Variants in PAM observed in about 807,000 individuals in gnomAD.
PAM encodes peptidylglycine alpha-amidating monooxygenase.
In PAM, 72 loss-of-function variants were observed where a neutral mutation model predicts 122.1. That is an observed-to-expected ratio of 0.59 (90% CI 0.49 to 0.72). The LOEUF (loss-of-function observed/expected upper bound fraction) is 0.72. Among genes scored for constraint, PAM ranks in the 30% least tolerant of loss-of-function variants. The pLI is 0.00. For missense variants in PAM, 1,106 were observed against 1,183.7 expected, an observed-to-expected ratio of 0.93 and a Z score of 0.96; for synonymous variants, 389 against 404.4, an observed-to-expected ratio of 0.96 and a Z score of 0.46.
intron 5 of PAM, among the ~76,000 whole-genome samples, chr5:102,916,763 C>G (rs1581670906): frequency 6.8e-6 from 1 of 147,228 alleles, no homozygotes; most frequent in South Asian, 2.1e-4. Context: ...GACTGAGTCT[C>G]ACTCAGTCAC....
At chr5:103,004,728 A>G (rs1485382437) in intron 17 of PAM, among the ~76,000 whole-genome samples, 1 of 152,150 alleles carries the variant, frequency 6.6e-6, no homozygotes, top group Non-Finnish European at 1.5e-5. Flanking sequence ...TATGTCTAAT[A>G]GTTTATATTA....
chr5:103,019,823 T>C lies in PAM; in HGVS notation c.2465T>C (p.Ile822Thr). 3 of 1,607,804 alleles carry C rather than the reference T, an allele frequency of 1.9e-6. No individual in the cohort carries two copies. The highest frequency in any genetic ancestry group is 1.7e-5 in the Admixed American group (1 of 59,970). ...CATCGATCAGTTAAAAAGGCTGGCA[T>C]TGAGGTCCAGGAAATCAAAGGTTGG... ...LEHRSVKKAG[I>T]EVQEIKEAEA... Residue 822 changes from isoleucine to threonine, a missense_variant, in exon 23 of 26, where the codon ATT becomes ACT. Ile to Thr is a moderately conservative substitution (Grantham distance 89, BLOSUM62 -1). Coordinates refer to ENST00000438793, the MANE Select transcript of PAM (RefSeq NM_001177306.2).
chr5:102,923,514 G>A (rs1748196655), intron 5 of PAM, among the ~76,000 whole-genome samples: 1 of 152,086 alleles, frequency 6.6e-6, no homozygotes, highest in Admixed American at 6.5e-5. Context: ...TTTGGTCCCA[G>A]TTTTCAAAAC....
chr5:102,985,479 A>G (rs1771508269), intron 15 of PAM, among the ~76,000 whole-genome samples: 1 of 152,048 alleles, frequency 6.6e-6, no homozygotes, highest in South Asian at 2.1e-4. Flanking sequence ...ATTGTATGCT[A>G]ATAAATTAGA....
chr5:102,793,537 A>C (rs1033021364), intron 1 of PAM, among the ~76,000 whole-genome samples: 2 of 152,190 alleles, frequency 1.3e-5, no homozygotes, highest in African/African-American at 4.8e-5. Context: ...CTCAAAACAA[A>C]ACAACAACCA....
chr5:102,762,913 C>A (rs1450167105), intron 1 of PAM, among the ~76,000 whole-genome samples: 5 of 152,154 alleles, frequency 3.3e-5, no homozygotes, highest in African/African-American at 1.2e-4. Context: ...GGACTTTTTG[C>A]AGAATTTTTA....
At chr5:102,942,178 C>G (rs144334304) in intron 7 of PAM, among the ~76,000 whole-genome samples, 85 of 152,226 alleles carry the variant, frequency 5.6e-4, no homozygotes, top group African/African-American at 1.9e-3. Flanking sequence ...TCTTTATTCT[C>G]CTACGGGATT....
Position 103,006,944 on chromosome 5 carries a change from T to C in PAM, c.1947T>C (p.Asp649=), listed in dbSNP as rs374784351. 187 of 1,614,104 alleles carry C rather than the reference T, an allele frequency of 1.2e-4. 3 individuals are homozygous for C. In the East Asian group the frequency reaches 2.5e-3, roughly 21 times the overall value. The change falls in exon 19 of 26, where the codon GAT becomes GAC. Residue 649 remains aspartate, a synonymous_variant. Coordinates refer to ENST00000438793, the MANE Select transcript of PAM (RefSeq NM_001177306.2). ...DPGTGAIYVS[D]GYCNSRIVQF... is the part of the protein sequence containing the mutation. ...GCACTGGAGCCATTTATGTATCAGA[T>C]GGTTACTGCAACAGCAGGATTGTGC...
intron 1 of PAM, among the ~76,000 whole-genome samples, chr5:102,811,032 C>G (rs943573072): frequency 1.3e-5 from 2 of 152,130 alleles, no homozygotes; most frequent in Admixed American, 1.3e-4. Flanking sequence ...GCCCACCCTT[C>G]TACAGGCCAG....
In PAM at chr5:102,866,149, C is replaced by A. The variant is rs756074535; in HGVS notation, c.-47C>A. 4 of 1,372,516 alleles carry A rather than the reference C, an allele frequency of 2.9e-6. No individual in the cohort carries two copies. Among genetic ancestry groups the A allele is most frequent in the Admixed American group, 1.7e-5 (1 of 59,420 alleles). 85.0% of individuals were successfully genotyped at this position (1,372,516 alleles called of 1,614,324 possible). A position where few individuals can be genotyped will look rare whatever the true frequency, so the allele number is the denominator to read the frequency against. On this transcript the variant is annotated 5_prime_UTR_variant, in exon 2 of 26. Transcript: ENST00000438793. ...TGCCCAACCGCCAGCCCCAGCCCCG[C>A]GCTGCGCTGCCCGGTCCTCTCCCGG...
chr5:102,953,006 G>A (rs1191599226), intron 12 of PAM, among the ~76,000 whole-genome samples: 1 of 152,070 alleles, frequency 6.6e-6, no homozygotes, highest in Non-Finnish European at 1.5e-5. Flanking sequence ...CATGTACTGC[G>A]AGAACTCTCA....
chr5:102,780,747 T>TTC (rs1561426629), intron 1 of PAM, among the ~76,000 whole-genome samples: 79 of 150,998 alleles, frequency 5.2e-4, no homozygotes, highest in East Asian at 2.4e-3. Flanking sequence ...ACCTTTTTCT[T>TTC]TCTTTCTCTT....
At chr5:102,782,435 A>C (rs759931898) in intron 1 of PAM, among the ~76,000 whole-genome samples, 3 of 152,232 alleles carry the variant, frequency 2.0e-5, no homozygotes, top group East Asian at 3.8e-4. Flanking sequence ...TTTGAAATAG[A>C]TACAAATAAT....
At chr5:102,868,893 T>A (rs1242415527) in intron 3 of PAM, among the ~76,000 whole-genome samples, 1 of 152,190 alleles carries the variant, frequency 6.6e-6, no homozygotes, top group Non-Finnish European at 1.5e-5. Flanking sequence ...AGGAATTGAT[T>A]ATAAAAAGTC....
chr5:102,849,592 A>G (rs944693483), intron 1 of PAM, among the ~76,000 whole-genome samples: 2 of 151,772 alleles, frequency 1.3e-5, no homozygotes, highest in African/African-American at 4.8e-5. Flanking sequence ...AAAAAGGTGC[A>G]TAAGTAAAGG....
At chr5:103,011,560 C>G (rs935593282) in intron 21 of PAM, among the ~76,000 whole-genome samples, 30 of 152,192 alleles carry the variant, frequency 2.0e-4, no homozygotes, top group African/African-American at 7.2e-4. Context: ...ATAATGATCT[C>G]CAGTTCCATC....
chr5:102,825,193 T>C (rs116345221), intron 1 of PAM, among the ~76,000 whole-genome samples: 87 of 152,376 alleles, frequency 5.7e-4, no homozygotes, highest in African/African-American at 2.1e-3. Flanking sequence ...CTAATATTTT[T>C]ATTTTAAAAA....
intron 19 of PAM, 134 bp from the exon 20 acceptor site, chr5:103,007,323 A>T (rs1036737338): frequency 1.1e-4 from 78 of 726,176 alleles, no homozygotes; most frequent in Admixed American, 2.1e-4. Flanking sequence ...TAATCTTATA[A>T]ACTGCTTTAC....
At chr5:103,012,811 G>A (rs992793394) in intron 21 of PAM, among the ~76,000 whole-genome samples, 7 of 150,660 alleles carry the variant, frequency 4.6e-5, no homozygotes, top group Admixed American at 6.6e-5. Context: ...AGCGAAGATC[G>A]TGCCACTGCA....
Sources: allele counts gnomAD v4.1 joint callset (sites outside exome capture counted in the v4.1 genomes callset), GRCh38; gene constraint gnomAD v4.1.1; transcripts MANE v1.5; gene names NCBI Gene and HGNC (gene_info 2026-07-23, HGNC 2026-07-21).